The following BTG4 variants were observed in gnomAD, a reference collection of about 807,000 sequenced individuals.
BTG4 encodes the protein protein BTG4.
In BTG4, 10 loss-of-function variants were observed where a neutral mutation model predicts 19.3. The observed-to-expected ratio is 0.52, with a 90% CI of 0.32 to 0.88. The LOEUF is 0.88. Among genes scored for constraint, BTG4 ranks in the 40% least tolerant of loss-of-function variants. The pLI is 0.04. For synonymous variants in BTG4, 91 were observed against 95.7 expected (o/e 0.95, Z 0.29); for missense variants, 238 against 281.9 (o/e 0.84, Z 1.11).
intron 5 of BTG4, chr11:111,469,239 C>T (rs1283642192): frequency 6.6e-6 from 1 of 152,346 alleles, no homozygotes; most frequent in South Asian, 2.1e-4. Context: ...AATGTTTGGC[C>T]TCTGTGGGAA....
chr11:111,472,227 C>A (rs1188981108), intron 5 of BTG4, among the ~76,000 whole-genome samples: 1 of 152,336 alleles, frequency 6.6e-6, no homozygotes, highest in Middle Eastern at 3.4e-3. Context: ...ATATCTCACT[C>A]TCTTACCTAC....
intron 5 of BTG4, among the ~76,000 whole-genome samples, chr11:111,487,719 C>G (rs1865151501): frequency 6.6e-6 from 1 of 152,080 alleles, no homozygotes; most frequent in South Asian, 2.1e-4. Flanking sequence ...CCTAAAGACT[C>G]CACACCAAAA....
In BTG4 at chr11:111,488,071, C is replaced by T. The variant is rs1214616093; in HGVS notation, c.662+7092G>A. Among the ~76,000 whole-genome samples the T allele has an allele frequency of 3.3e-5, 5 of 151,976 alleles. No homozygotes were observed. In the East Asian group the frequency reaches 9.6e-4, roughly 29 times the overall value. ...TTCAATGCAATCCCTATCAAAATACCAATGACATTCTTCACAGAAATAAAA... is the reference window on the plus strand; with the variant it reads ...TTCAATGCAATCCCTATCAAAATACTAATGACATTCTTCACAGAAATAAAA... On this transcript the variant is annotated intron_variant, in intron 5 of 5. Coordinates refer to the BTG4 transcript ENST00000356018.
At chr11:111,447,063 C>T in the BTG4 span, among the ~76,000 whole-genome samples, 1 of 152,372 alleles carries the variant, frequency 6.6e-6, no homozygotes, top group South Asian at 2.1e-4. Context: ...TCACCACCTG[C>T]TCCCTGTGCC....
chr11:111,468,087 T>G (rs1285933403), intron 5 of BTG4, among the ~76,000 whole-genome samples: 1 of 152,254 alleles, frequency 6.6e-6, no homozygotes, highest in Non-Finnish European at 1.5e-5. Context: ...GACAGTCTAT[T>G]GCTAAACAAT....
chr11:111,469,625 G>A (rs1863940524), intron 5 of BTG4, among the ~76,000 whole-genome samples: 1 of 152,190 alleles, frequency 6.6e-6, no homozygotes, highest in Non-Finnish European at 1.5e-5. Flanking sequence ...CACATAAACT[G>A]CACCAGAACT....
chr11:111,442,613 C>G, the BTG4 span, among the ~76,000 whole-genome samples: 1 of 149,342 alleles, frequency 6.7e-6, no homozygotes, highest in Admixed American at 6.7e-5. Context: ...ACAACAACAA[C>G]AACAACAACC....
At chr11:111,497,080 A>G in intron 4 of BTG4, 131 bp downstream of exon 4, 1 of 884,874 alleles carries the variant, frequency 1.1e-6, no homozygotes, top group South Asian at 1.9e-5. Flanking sequence ...CAAAATATTA[A>G]GAGTCTGGCT....
the BTG4 span, among the ~76,000 whole-genome samples, chr11:111,446,171 G>A: frequency 6.6e-6 from 1 of 152,170 alleles, no homozygotes; most frequent in South Asian, 2.1e-4. Context: ...CTACTACCTG[G>A]GAAATGTATG....
At position 111,482,311 on chromosome 11, in the gene BTG4, C is replaced by T. The variant is rs183757849; in HGVS notation, c.662+12852G>A. 3.3e-5 allele frequency among the ~76,000 whole-genome samples: 5 copies of T among 152,068 alleles called. No individual in the cohort carries two copies. In the East Asian group the frequency reaches 9.6e-4, roughly 29 times the overall value. The stretch of plus-strand genomic sequence containing the variant: ...AACACACACACACGAAGAAATTGAT[C>T]TAAATAAATGGAGAAACATATTGTG... On this transcript the variant is annotated intron_variant, in intron 5 of 5. Coordinates refer to the BTG4 transcript ENST00000356018.
intron 4 of BTG4, among the ~76,000 whole-genome samples, chr11:111,495,670 C>G (rs1199750786): frequency 6.6e-6 from 1 of 152,130 alleles, no homozygotes; most frequent in Non-Finnish European, 1.5e-5. Flanking sequence ...ATTTTAAACA[C>G]CTAAGATGAT....
the BTG4 span, among the ~76,000 whole-genome samples, chr11:111,409,340 C>T: frequency 6.6e-6 from 1 of 152,244 alleles, no homozygotes; most frequent in Non-Finnish European, 1.5e-5. Context: ...GCTGGTGAGT[C>T]ATAGGGGGAT....
At chr11:111,462,939 T>C (rs962988979), downstream of BTG4, 1 of 152,658 alleles carries the variant, frequency 6.6e-6, no homozygotes, top group Non-Finnish European at 1.5e-5. Flanking sequence ...CAGGGCAATG[T>C]AATATTCAGG....
At chr11:111,464,943 A>T (rs1412620968), downstream of BTG4, among the ~76,000 whole-genome samples, 1 of 152,200 alleles carries the variant, frequency 6.6e-6, no homozygotes, top group Middle Eastern at 3.2e-3. Context: ...ACATGAATCT[A>T]AATCTTGGGA....
At chr11:111,388,367 T>C in the BTG4 span, among the ~76,000 whole-genome samples, 1 of 151,812 alleles carries the variant, frequency 6.6e-6, no homozygotes, top group Non-Finnish European at 1.5e-5. Flanking sequence ...GTGACATTGC[T>C]TTGGGATTTT....
the BTG4 span, among the ~76,000 whole-genome samples, chr11:111,396,416 A>G: frequency 3.3e-5 from 5 of 152,098 alleles, no homozygotes; most frequent in Non-Finnish European, 5.9e-5. Flanking sequence ...GTCTACCCAC[A>G]TGCCCCCATT....
At chr11:111,443,791 C>T in the BTG4 span, among the ~76,000 whole-genome samples, 2 of 152,162 alleles carry the variant, frequency 1.3e-5, no homozygotes, top group African/African-American at 4.8e-5. Flanking sequence ...CTGGGTGCAA[C>T]AAGTGTAGGG....
At chr11:111,385,018 A>T in the BTG4 span, 1 of 152,282 alleles carries the variant, frequency 6.6e-6, no homozygotes, top group South Asian at 2.1e-4. Flanking sequence ...GATCTGAAGG[A>T]CAAATAAACA....
chr11:111,411,156 G>T, the BTG4 span, among the ~76,000 whole-genome samples: 1 of 152,116 alleles, frequency 6.6e-6, no homozygotes, highest in Non-Finnish European at 1.5e-5. Flanking sequence ...ACCCTCCAAT[G>T]GTTTCCCATC....
Sources: gnomAD v4.1 joint callset for allele counts (sites outside exome capture counted in the v4.1 genomes callset) on GRCh38, gnomAD v4.1.1 for gene constraint, MANE v1.5 for transcripts, NCBI Gene and HGNC (gene_info 2026-07-23, HGNC 2026-07-21) for gene names.